Variants in RPS6KA2 observed in about 807,000 individuals in gnomAD.
RPS6KA2 encodes the protein ribosomal protein S6 kinase A2.
A neutral mutation model predicts 91.8 loss-of-function variants in RPS6KA2; 42 were observed. That is an observed-to-expected ratio of 0.46 (90% CI 0.36 to 0.59). The LOEUF is 0.59. Among genes scored for constraint, RPS6KA2 ranks in the 20% least tolerant of loss-of-function variants. The probability of loss-of-function intolerance (pLI) is 0.00; values close to 1 mark genes in which losing one functional copy is unlikely to be tolerated. For synonymous variants in RPS6KA2, 414 were observed against 393.6 expected (o/e 1.05, Z -0.61); for missense variants, 798 against 978.5 (o/e 0.82, Z 2.46).
At chr6:166,789,240 C>T (rs1779014577) in intron 2 of RPS6KA2, among the ~76,000 whole-genome samples, 1 of 152,234 alleles carries the variant, frequency 6.6e-6, no homozygotes, top group African/African-American at 2.4e-5. Flanking sequence ...GGGTCCTACG[C>T]CCACGGAGTC....
rs1036143428 is a variant in RPS6KA2, at chr6:166,557,994, ATATGTATGTGTATATATAGGTGTG to A, written c.100-19234_100-19211del. Among the ~76,000 whole-genome samples, 15 of 152,040 alleles carry A rather than the reference ATATGTATGTGTATATATAGGTGTG, an allele frequency of 9.9e-5. No individual in the cohort carries two copies. The highest frequency in any genetic ancestry group is 1.9e-4 in the East Asian group (1 of 5,178). ...CAGAGGGGTGTGTGTGTGTGTGTATATATGTATGTGTATATATAGGTGTGTATGTATGTGTATATATAGGTGTGT... is the reference window on the plus strand; with the variant it reads ...CAGAGGGGTGTGTGTGTGTGTGTATATATGTATGTGTATATATAGGTGTGT... On this transcript the variant is annotated intron_variant, in intron 1 of 20. Transcript: ENST00000265678. The surrounding 1 kb of genome is among the most constrained non-coding windows in gnomAD (Gnocchi z 4.8).
chr6:166,602,140 G>A (rs751533560), intron 1 of RPS6KA2, among the ~76,000 whole-genome samples: 2 of 152,236 alleles, frequency 1.3e-5, no homozygotes, highest in African/African-American at 4.8e-5. Context: ...CGGGCAGTGC[G>A]TGTTCCGGCC....
chr6:166,676,246 G>A (rs1022818814), intron 2 of RPS6KA2, among the ~76,000 whole-genome samples: 1 of 151,652 alleles, frequency 6.6e-6, no homozygotes, highest in Admixed American at 6.6e-5. Flanking sequence ...GAAACCAGGA[G>A]GCGGAGGTTG....
intron 14 of RPS6KA2, among the ~76,000 whole-genome samples, chr6:166,439,562 C>G (rs12216172): frequency 6.6e-6 from 1 of 152,050 alleles, no homozygotes; most frequent in African/African-American, 2.4e-5. Context: ...AAAGCAAAGC[C>G]TTTGTTGCCC....
chr6:166,608,133 A>C (rs1360846338), intron 1 of RPS6KA2, among the ~76,000 whole-genome samples: 2 of 152,196 alleles, frequency 1.3e-5, no homozygotes, highest in Non-Finnish European at 2.9e-5. Context: ...GTCCATACTC[A>C]GGACAGATTT....
intron 2 of RPS6KA2, among the ~76,000 whole-genome samples, chr6:166,768,767 C>G (rs905918994): frequency 2.6e-5 from 4 of 152,178 alleles, no homozygotes; most frequent in Non-Finnish European, 4.4e-5. Flanking sequence ...ATCTGATTTG[C>G]TTTTTTCATC....
At chr6:166,564,796 C>T (rs1784445626) in intron 1 of RPS6KA2, among the ~76,000 whole-genome samples, 1 of 152,214 alleles carries the variant, frequency 6.6e-6, no homozygotes, top group Non-Finnish European at 1.5e-5. Context: ...AGGTCGAGGG[C>T]TGCAGCGTGT....
chr6:166,715,105 C>G (rs897619698), intron 2 of RPS6KA2, among the ~76,000 whole-genome samples: 1 of 152,238 alleles, frequency 6.6e-6, no homozygotes, highest in African/African-American at 2.4e-5. Flanking sequence ...AAAGGAAAGG[C>G]AGTGGAGGGT....
At chr6:166,518,824 C>A (rs1370444022) in intron 3 of RPS6KA2, among the ~76,000 whole-genome samples, 1 of 152,226 alleles carries the variant, frequency 6.6e-6, no homozygotes, top group African/African-American at 2.4e-5. Flanking sequence ...TTACACCAAG[C>A]AATGCCCTCA....
At chr6:166,832,359 C>G (rs1780209377) in intron 2 of RPS6KA2, among the ~76,000 whole-genome samples, 1 of 152,142 alleles carries the variant, frequency 6.6e-6, no homozygotes, top group Non-Finnish European at 1.5e-5. Context: ...CTCACAGATG[C>G]ACAGATAGCA....
intron 14 of RPS6KA2, among the ~76,000 whole-genome samples, chr6:166,439,129 G>C (rs1779438436): frequency 7.3e-6 from 1 of 136,992 alleles, no homozygotes; most frequent in Admixed American, 7.2e-5. Context: ...AATTATTTGA[G>C]ATGGAGTCTC....
intron 2 of RPS6KA2, among the ~76,000 whole-genome samples, chr6:166,698,002 G>A (rs985392217): frequency 2.0e-5 from 3 of 151,988 alleles, no homozygotes; most frequent in Non-Finnish European, 2.9e-5. Flanking sequence ...GGAAAGAGTC[G>A]ATAGTTAAAT....
chr6:166,850,708 G>A (rs1405451618), intron 2 of RPS6KA2, among the ~76,000 whole-genome samples: 1 of 152,198 alleles, frequency 6.6e-6, no homozygotes, highest in Non-Finnish European at 1.5e-5. Context: ...TGGCGGCTCA[G>A]CGGGAAGCCA....
chr6:166,515,275 T>C (rs1044733023), intron 3 of RPS6KA2, among the ~76,000 whole-genome samples: 8 of 152,196 alleles, frequency 5.3e-5, no homozygotes, highest in Non-Finnish European at 8.8e-5. Context: ...TGGAGTTGCA[T>C]GACTCATGGC....
At chr6:166,658,518 G>A (rs1259598476) in intron 2 of RPS6KA2, among the ~76,000 whole-genome samples, 1 of 152,096 alleles carries the variant, frequency 6.6e-6, no homozygotes, top group Non-Finnish European at 1.5e-5. Context: ...CAGCATCGGG[G>A]GTCAGAGACC....
At chr6:166,757,420 C>T in intron 2 of RPS6KA2, 2 of 434,024 alleles carry the variant, frequency 4.6e-6, no homozygotes, top group Non-Finnish European at 9.3e-6. Flanking sequence ...GCCCAGAAAA[C>T]AGCTTGCCCC....
intron 2 of RPS6KA2, among the ~76,000 whole-genome samples, chr6:166,808,300 A>G (rs1779543312): frequency 6.6e-6 from 1 of 152,144 alleles, no homozygotes; most frequent in South Asian, 2.1e-4. Context: ...CTTCTCACAG[A>G]TGTTGGACCT....
At chr6:166,831,520 C>G (rs756507811) in intron 2 of RPS6KA2, among the ~76,000 whole-genome samples, 3 of 151,830 alleles carry the variant, frequency 2.0e-5, no homozygotes, top group Middle Eastern at 3.4e-3. Flanking sequence ...TTGCCTTGTC[C>G]GCACCTCTTC....
chr6:166,613,343 T>C (rs937003681), intron 1 of RPS6KA2, among the ~76,000 whole-genome samples: 2 of 152,242 alleles, frequency 1.3e-5, no homozygotes, highest in South Asian at 2.1e-4. Context: ...GCAAACAGAT[T>C]GCAGTATAAC....
Sources: gnomAD v4.1 joint callset for allele counts (sites outside exome capture counted in the v4.1 genomes callset) on GRCh38, gnomAD v4.1.1 for gene constraint, Gnocchi (gnomAD v3.1) non-coding constraint, MANE v1.5 for transcripts, NCBI Gene and HGNC (gene_info 2026-07-23, HGNC 2026-07-21) for gene names.